OSBPL9: variants seen among roughly 807,000 people sequenced by gnomAD.
The protein encoded by OSBPL9 is oxysterol-binding protein-related protein 9.
OSBPL9 carries 40 observed loss-of-function variants against 106.6 expected under a neutral mutation model. That is an observed-to-expected ratio of 0.38 (90% CI 0.29 to 0.49). The LOEUF (loss-of-function observed/expected upper bound fraction) is 0.49, where lower values mean the gene tolerates loss of function less well. OSBPL9 is among the 20% of genes least tolerant of loss of function. The pLI is 0.97. For synonymous variants in OSBPL9, 269 were observed against 295.4 expected, an observed-to-expected ratio of 0.91 and a Z score of 0.92; for missense variants, 609 against 887.2, an observed-to-expected ratio of 0.69 and a Z score of 3.98.
At chr1:51,643,356 C>T (rs1414575074) in intron 1 of OSBPL9, among the ~76,000 whole-genome samples, 1 of 152,154 alleles carries the variant, frequency 6.6e-6, no homozygotes, top group African/African-American at 2.4e-5. Flanking sequence ...GCTATCTGCT[C>T]TAGAGGTTCA....
chr1:51,776,981 T>C (rs1467361724), intron 15 of OSBPL9, 63 bp downstream of exon 15: 1 of 1,284,834 alleles, frequency 7.8e-7, no homozygotes, highest in African/African-American at 1.5e-5. Context: ...TTTCTGCCTT[T>C]TATTTTGCAG....
chr1:51,606,697 T>G (rs1490779066), intron 2 of OSBPL9, among the ~76,000 whole-genome samples: 1 of 152,252 alleles, frequency 6.6e-6, no homozygotes, highest in Non-Finnish European at 1.5e-5. Context: ...ATATTTTTTA[T>G]CCTTTACAAA....
upstream of OSBPL9, among the ~76,000 whole-genome samples, chr1:51,573,277 G>A (rs1645162554): frequency 6.6e-6 from 1 of 151,606 alleles, no homozygotes; most frequent in South Asian, 2.1e-4. Context: ...GGGAGGCAGA[G>A]GCAGACAGAT....
upstream of OSBPL9, among the ~76,000 whole-genome samples, chr1:51,616,147 G>C (rs543757199): frequency 2.0e-5 from 3 of 151,884 alleles, no homozygotes; most frequent in African/African-American, 7.2e-5. Flanking sequence ...ACCACGCCCA[G>C]ATAATTTTTG....
chr1:51,562,467 A>T, the OSBPL9 span, among the ~76,000 whole-genome samples: 6,220 of 152,258 alleles, frequency 0.041, 186 homozygotes, highest in Non-Finnish European at 0.064. Flanking sequence ...TCTTTTCTTT[A>T]TAAATTACCC....
chr1:51,530,335 C>T, the OSBPL9 span, among the ~76,000 whole-genome samples: 26 of 151,940 alleles, frequency 1.7e-4, no homozygotes, highest in African/African-American at 5.6e-4. Context: ...TTCTGTACTT[C>T]GAAGGACACC....
chr1:51,519,123 G>T, the OSBPL9 span: 2 of 1,047,174 alleles, frequency 1.9e-6, no homozygotes, highest in Non-Finnish European at 2.7e-6. Flanking sequence ...CACAAGCCAA[G>T]AAGTCGGCGA....
At chr1:51,597,867 C>G (rs919835334) in intron 1 of OSBPL9, among the ~76,000 whole-genome samples, 7 of 152,208 alleles carry the variant, frequency 4.6e-5, no homozygotes, top group African/African-American at 1.7e-4. Context: ...GTGCAGGGTG[C>G]TATGCCAAGT....
chr1:51,737,984 C>T lies in OSBPL9; in HGVS notation c.319-7552C>T, dbSNP rs182646585. 2.6e-5 allele frequency among the ~76,000 whole-genome samples: 4 copies of T among 152,018 alleles called. No homozygotes were observed. In the East Asian group the frequency reaches 7.7e-4, roughly 29 times the overall value. ...CTGAGACAACCAGGCATAAACTGACCATCCAGGCAAACTAAAATATACAGT... is the reference window on the plus strand; with the variant it reads ...CTGAGACAACCAGGCATAAACTGACTATCCAGGCAAACTAAAATATACAGT... On this transcript the variant is annotated intron_variant, in intron 4 of 23. Transcript: ENST00000428468.
intron 1 of OSBPL9, among the ~76,000 whole-genome samples, chr1:51,625,869 C>A (rs984290466): frequency 2.6e-5 from 4 of 152,252 alleles, no homozygotes; most frequent in African/African-American, 9.6e-5. Flanking sequence ...GTTAAGTTTA[C>A]ATGTTACATG....
chr1:51,579,565 A>G (rs1645209001), intron 1 of OSBPL9, among the ~76,000 whole-genome samples: 1 of 152,160 alleles, frequency 6.6e-6, no homozygotes, highest in South Asian at 2.1e-4. Flanking sequence ...CATGTTGTCT[A>G]CATTTTCAAT....
At chr1:51,605,843 T>G (rs570187688) in intron 2 of OSBPL9, among the ~76,000 whole-genome samples, 62 of 151,956 alleles carry the variant, frequency 4.1e-4, no homozygotes, top group Non-Finnish European at 5.6e-4. Context: ...TAGCTGGGCG[T>G]GGTGGCAGGC....
At chr1:51,718,120 A>G (rs189068839) in intron 4 of OSBPL9, among the ~76,000 whole-genome samples, 2 of 152,340 alleles carry the variant, frequency 1.3e-5, no homozygotes, top group Admixed American at 6.5e-5. Flanking sequence ...CAAACTTCAC[A>G]TGTTCTCACT....
chr1:51,639,806 A>G (rs964785845), intron 1 of OSBPL9, among the ~76,000 whole-genome samples: 10 of 139,334 alleles, frequency 7.2e-5, no homozygotes, highest in Non-Finnish European at 1.4e-4. Context: ...TCGGGGAGGC[A>G]TTCCTAGTTG....
chr1:51,671,948 A>G (rs1649974032), intron 3 of OSBPL9, among the ~76,000 whole-genome samples: 1 of 152,020 alleles, frequency 6.6e-6, no homozygotes, highest in African/African-American at 2.4e-5. Flanking sequence ...TTCTTTTTGT[A>G]GTTTATACTC....
At chr1:51,521,333 A>G in the OSBPL9 span, among the ~76,000 whole-genome samples, 1 of 152,204 alleles carries the variant, frequency 6.6e-6, no homozygotes, top group South Asian at 2.1e-4. Flanking sequence ...TGGGGAGTAT[A>G]ATTTCACTTG....
the OSBPL9 span, chr1:51,561,972 T>C: frequency 6.6e-6 from 1 of 152,212 alleles, no homozygotes; most frequent in Non-Finnish European, 1.5e-5. Context: ...GTTGTCTATT[T>C]TGGGATGAAT....
At chr1:51,715,673 A>G (rs1449306257) in intron 4 of OSBPL9, among the ~76,000 whole-genome samples, 2 of 152,206 alleles carry the variant, frequency 1.3e-5, no homozygotes, top group African/African-American at 4.8e-5. Flanking sequence ...CTGACATTCA[A>G]CATTCAACAA....
At chr1:51,722,634 A>G (rs1662366447) in intron 4 of OSBPL9, among the ~76,000 whole-genome samples, 1 of 152,230 alleles carries the variant, frequency 6.6e-6, no homozygotes, top group Non-Finnish European at 1.5e-5. Context: ...TATAGAGGGT[A>G]TTCATTCCTA....
Sources: allele counts gnomAD v4.1 joint callset (sites outside exome capture counted in the v4.1 genomes callset), GRCh38; gene constraint gnomAD v4.1.1; transcripts MANE v1.5; gene names NCBI Gene and HGNC (gene_info 2026-07-23, HGNC 2026-07-21).